Variants in BCR observed in about 807,000 individuals in gnomAD.
BCR encodes breakpoint cluster region protein.
Under a neutral mutation model 138.6 loss-of-function variants are expected in BCR, and 58 were observed. That is an observed-to-expected ratio of 0.42 (90% confidence interval 0.34 to 0.52). The LOEUF (loss-of-function observed/expected upper bound fraction) is 0.52. Ranked by LOEUF, BCR falls within the 20% of genes least tolerant of loss-of-function variation. BCR has a pLI of 0.06. For missense variants in BCR, 1,599 were observed against 1,727.2 expected, an observed-to-expected ratio of 0.93 and a Z score of 1.32; for synonymous variants, 786 against 730.1, an observed-to-expected ratio of 1.08 and a Z score of -1.23.
At chr22:23,235,711 CACTT>C (rs2073015195) in intron 1 of BCR, among the ~76,000 whole-genome samples, 1 of 152,176 alleles carries the variant, frequency 6.6e-6, no homozygotes, top group Non-Finnish European at 1.5e-5. Flanking sequence ...AAACAACAAA[CACTT>C]ACTCCTCACA....
intron 1 of BCR, among the ~76,000 whole-genome samples, chr22:23,222,013 C>T (rs756749719): frequency 6.6e-5 from 10 of 152,228 alleles, no homozygotes; most frequent in East Asian, 1.9e-4. Context: ...ATCACTTGAA[C>T]CCAGGAGGCG....
intron 1 of BCR, among the ~76,000 whole-genome samples, chr22:23,206,817 T>G (rs971480465): frequency 2.0e-5 from 3 of 151,960 alleles, no homozygotes; most frequent in Admixed American, 1.3e-4. Context: ...CAATCCAAGA[T>G]CCAAACATTT....
At chr22:23,281,581 C>T (rs1357922708) in intron 8 of BCR, among the ~76,000 whole-genome samples, 1 of 152,050 alleles carries the variant, frequency 6.6e-6, no homozygotes, top group African/African-American at 2.4e-5. Flanking sequence ...CAGGCAGGGG[C>T]CGAGTGACGG....
chr22:23,288,026 G>T, intron 11 of BCR, 71 bp from the exon 12 acceptor site: 3 of 1,441,762 alleles, frequency 2.1e-6, no homozygotes, highest in Non-Finnish European at 2.0e-6. Context: ...GCTCTAAGGT[G>T]CCCCGGGCCT....
intron 1 of BCR, among the ~76,000 whole-genome samples, chr22:23,244,780 A>T (rs2073137137): frequency 6.6e-6 from 1 of 152,202 alleles, no homozygotes; most frequent in African/African-American, 2.4e-5. Context: ...GGTGCTGCTG[A>T]GGAATAATAA....
intron 5 of BCR, among the ~76,000 whole-genome samples, chr22:23,270,646 G>A (rs552504697): frequency 2.6e-5 from 4 of 152,346 alleles, no homozygotes; most frequent in East Asian, 3.9e-4. Flanking sequence ...AAACACTTTC[G>A]TCTGGTCTTG....
chr22:23,269,628 C>T (rs533602588), intron 5 of BCR, among the ~76,000 whole-genome samples: 1 of 152,344 alleles, frequency 6.6e-6, no homozygotes, highest in African/African-American at 2.4e-5. Context: ...CCTGCTCCGC[C>T]AGGTGCTGCT....
intron 1 of BCR, among the ~76,000 whole-genome samples, chr22:23,206,542 A>C (rs1033079861): frequency 1.2e-4 from 18 of 150,496 alleles, no homozygotes; most frequent in Non-Finnish European, 1.9e-4. Flanking sequence ...GTGCCACTGC[A>C]CTCCAGCCTG....
chr22:23,225,510 G>A (rs534198657), intron 1 of BCR, among the ~76,000 whole-genome samples: 2 of 152,200 alleles, frequency 1.3e-5, no homozygotes, highest in Admixed American at 1.3e-4. Flanking sequence ...CCCAAGCTCA[G>A]TCTCCTTCAG....
At chr22:23,240,936 G>T (rs1037010593) in intron 1 of BCR, among the ~76,000 whole-genome samples, 7 of 152,128 alleles carry the variant, frequency 4.6e-5, no homozygotes, top group African/African-American at 1.7e-4. Context: ...TACGGTATTT[G>T]TTTGTTTGTG....
At chr22:23,221,590 C>G (rs2072825213) in intron 1 of BCR, among the ~76,000 whole-genome samples, 1 of 152,232 alleles carries the variant, frequency 6.6e-6, no homozygotes, top group African/African-American at 2.4e-5. Flanking sequence ...CGAGGATGCT[C>G]ACACTGCTCA....
At chr22:23,260,790 T>C in intron 2 of BCR, 160 bp from the exon 3 acceptor site, 1 of 677,154 alleles carries the variant, frequency 1.5e-6, no homozygotes, top group Non-Finnish European at 2.6e-6. Flanking sequence ...GCTTAGTATG[T>C]GCGGAGGGTC....
rs2074077367 is a variant in BCR at position 23,316,853 on chromosome 22, G to A, written c.*1331G>A. The A allele has an allele frequency of 9.4e-6, 1 of 106,430 alleles. No individual in the cohort carries two copies. Among genetic ancestry groups the A allele is most frequent in the Admixed American group, 1.0e-4 (1 of 9,630 alleles). The allele number at this position is 106,430 out of a possible 1,614,324, so 6.6% of individuals were successfully genotyped here. A position where few individuals can be genotyped will look rare whatever the true frequency, so the allele number is the denominator to read the frequency against. On this transcript the variant is annotated 3_prime_UTR_variant, in exon 23 of 23. Transcript: ENST00000305877. Reference sequence around the variant, plus strand: ...CTGGCTCAAAGAAAACAGAAGCATGGAGACCGCCAAGTATTTTCAAGAAAT... The same window carrying A: ...CTGGCTCAAAGAAAACAGAAGCATGAAGACCGCCAAGTATTTTCAAGAAAT...
At chr22:23,256,942 C>G (rs950608670) in intron 2 of BCR, among the ~76,000 whole-genome samples, 2 of 151,714 alleles carry the variant, frequency 1.3e-5, no homozygotes, top group Non-Finnish European at 2.9e-5. Context: ...GGTAGGAGGG[C>G]CTTCCTTCCA....
At chr22:23,220,256 G>GC (rs2072808729) in intron 1 of BCR, among the ~76,000 whole-genome samples, 6 of 152,206 alleles carry the variant, frequency 3.9e-5, no homozygotes, top group African/African-American at 1.2e-4. Context: ...TTACACTGAA[G>GC]TTTCACCTAC....
chr22:23,252,191 G>A (rs181674519), intron 1 of BCR, among the ~76,000 whole-genome samples: 290 of 152,290 alleles, frequency 1.9e-3, no homozygotes, highest in Non-Finnish European at 2.6e-3. Context: ...GACTCAGCCA[G>A]AAGCTGGGCC....
At chr22:23,305,050 G>A (rs2073942349) in intron 16 of BCR, among the ~76,000 whole-genome samples, 1 of 151,928 alleles carries the variant, frequency 6.6e-6, no homozygotes, top group Admixed American at 6.6e-5. Flanking sequence ...GGAGGCAGAG[G>A]TTGCAGTCAG....
chr22:23,266,987 C>T (rs2073450167), intron 4 of BCR, among the ~76,000 whole-genome samples: 1 of 152,128 alleles, frequency 6.6e-6, no homozygotes, highest in Non-Finnish European at 1.5e-5. Context: ...TGTCCTGGTC[C>T]TGACCACATT....
chr22:23,230,339 C>T (rs1487677502), intron 1 of BCR, among the ~76,000 whole-genome samples: 1 of 152,190 alleles, frequency 6.6e-6, no homozygotes. Flanking sequence ...AGACGTCCTT[C>T]TCTCTGTGTG....
Sources: gnomAD v4.1 joint callset for allele counts (sites outside exome capture counted in the v4.1 genomes callset) on GRCh38, gnomAD v4.1.1 for gene constraint, MANE v1.5 for transcripts, NCBI Gene and HGNC (gene_info 2026-07-23, HGNC 2026-07-21) for gene names.